Variants in GFRA3 observed in about 807,000 individuals in gnomAD.
The protein encoded by GFRA3 is GDNF family receptor alpha-3.
GFRA3 carries 24 observed loss-of-function variants against 40.0 expected under a neutral mutation model. The observed-to-expected ratio is 0.60, with a 90% CI of 0.43 to 0.84. The LOEUF is 0.84. Ranked by LOEUF, GFRA3 falls within the 40% of genes least tolerant of loss-of-function variation. GFRA3 has a pLI of 0.00. For missense variants in GFRA3, 405 were observed against 530.6 expected, an observed-to-expected ratio of 0.76 and a Z score of 2.33; for synonymous variants, 203 against 213.5, an observed-to-expected ratio of 0.95 and a Z score of 0.43.
intron 4 of GFRA3, among the ~76,000 whole-genome samples, chr5:138,255,725 C>T (rs1581506789): frequency 6.6e-6 from 1 of 151,864 alleles, no homozygotes; most frequent in East Asian, 1.9e-4. Flanking sequence ...ATGGCAAAAC[C>T]CCATCTCTAC....
intron 1 of GFRA3, among the ~76,000 whole-genome samples, chr5:138,268,898 C>A (rs1049488799): frequency 2.1e-5 from 3 of 142,630 alleles, no homozygotes; most frequent in Admixed American, 7.6e-5. Flanking sequence ...GCACTCCAGC[C>A]TGGGTGACAG....
chr5:138,254,690 C>T (rs1755601224), intron 4 of GFRA3, among the ~76,000 whole-genome samples: 1 of 152,146 alleles, frequency 6.6e-6, no homozygotes, highest in Non-Finnish European at 1.5e-5. Flanking sequence ...GTTTGGGCTC[C>T]ACGATCCCTA....
At chr5:138,254,566 C>T (rs10035320) in intron 4 of GFRA3, among the ~76,000 whole-genome samples, 56 of 152,224 alleles carry the variant, frequency 3.7e-4, no homozygotes, top group African/African-American at 1.2e-3. Context: ...TGCCCATTGT[C>T]GTGCCAAATC....
chr5:138,266,243 C>A (rs1488549746), intron 1 of GFRA3, among the ~76,000 whole-genome samples: 1 of 151,900 alleles, frequency 6.6e-6, no homozygotes, highest in Non-Finnish European at 1.5e-5. Flanking sequence ...TTTGAGGAAC[C>A]GCCAAATTGT....
intron 1 of GFRA3, 50 bp from the exon 2 acceptor site, chr5:138,264,598 T>G: frequency 7.9e-7 from 1 of 1,261,044 alleles, no homozygotes; most frequent in East Asian, 2.3e-5. Context: ...AATAGCTGTC[T>G]GGGAATACCA....
chr5:138,271,909 T>TGTGTGTGTGTGTGTGTG (rs61550132), intron 1 of GFRA3, among the ~76,000 whole-genome samples: 26 of 99,672 alleles, frequency 2.6e-4, no homozygotes, highest in South Asian at 8.7e-4. Flanking sequence ...TTTTTTTTTT[T>TGTGTGTGTGTGTGTGTG]TTTTTGTGTG....
chr5:138,252,947 G>T lies in GFRA3; in HGVS notation c.*21C>A, dbSNP rs1755569952. On this transcript the variant is annotated 3_prime_UTR_variant, in exon 8 of 8. Transcript: ENST00000274721. ...TCCACCTGGGTGTGGTGGAGGGGAA[G>T]AGGGCCCTGGGGAAGTCCAGCTACC... is the stretch of plus-strand genomic sequence containing the variant. The T allele has an allele frequency of 2.1e-6, 3 of 1,399,468 alleles. No homozygotes were observed. Among genetic ancestry groups the T allele is most frequent in the Admixed American group, 1.7e-5 (1 of 59,450 alleles). The allele number at this position is 1,399,468 out of a possible 1,614,324, so 86.7% of individuals were successfully genotyped here. A position where few individuals can be genotyped will look rare whatever the true frequency, so the allele number is the denominator to read the frequency against.
chr5:138,256,540 C>CA (rs71585110), intron 4 of GFRA3, among the ~76,000 whole-genome samples: 42,059 of 130,070 alleles, frequency 0.32, 6,919 homozygotes, highest in South Asian at 0.43. Flanking sequence ...AAAAAACAAA[C>CA]AAAAAAAAAC....
rs1267800359 is a variant in GFRA3 at position 138,259,597 on chromosome 5, G to A, written c.432C>T (p.Pro144=). 1.3e-6 allele frequency: 2 copies of A among 1,573,638 alleles called. No individual in the cohort carries two copies. Among genetic ancestry groups the A allele is most frequent in the Admixed American group, 1.7e-5 (1 of 59,944 alleles). Reference sequence around the variant, plus strand: ...TCAGTTTGCTGAGATTCATTTTCCAGGGTTTGCTGGTCACTGTGTCTTCAT... The same window carrying A: ...TCAGTTTGCTGAGATTCATTTTCCAAGGTTTGCTGGTCACTGTGTCTTCAT... ...SPYEDTVTSK[P]WKMNLSKLNM... The change falls in exon 3 of 8, where the codon CCC becomes CCT. Residue 144 remains proline (P), a synonymous_variant. Coordinates refer to ENST00000274721, the MANE Select transcript of GFRA3 (RefSeq NM_001496.4).
chr5:138,253,293 TG>T lies in GFRA3; in HGVS notation c.1106del (p.Ala369AspfsTer9). The T allele has an allele frequency of 6.3e-7, 1 of 1,588,266 alleles. No individual in the cohort carries two copies. Among genetic ancestry groups the T allele is most frequent in the Non-Finnish European group, 8.6e-7 (1 of 1,163,902 alleles). On this transcript the variant is annotated frameshift_variant, in exon 7 of 8. Transcript: ENST00000274721. LOFTEE classifies it high-confidence loss of function. Reference protein sequence around the residue: ...DWPHPTFAVMAHQNENPAVRP... With the variant: ...DWPHPTFAVMXHQNENPAVRP... ...GTAACAGAGGAGGCCCTACCTGGTG[TG>T]CCATCACAGCAAAGGTAGGGTGTGG...
In GFRA3 at chr5:138,254,813, G is replaced by A. The variant is rs146888190; in HGVS notation, c.786-653C>T. On this transcript the variant is annotated intron_variant, in intron 4 of 7. Coordinates refer to ENST00000274721, the MANE Select transcript of GFRA3 (RefSeq NM_001496.4). ...GAGGATGAAGTAAGAGAATGCATAAGCCAGGCATAGCGGCTCACGCCTGTA... is the reference window on the plus strand; with the variant it reads ...GAGGATGAAGTAAGAGAATGCATAAACCAGGCATAGCGGCTCACGCCTGTA... Among the ~76,000 whole-genome samples, 663 of 152,208 alleles carry A rather than the reference G, an allele frequency of 4.4e-3. 4 individuals carry two copies. The highest frequency in any genetic ancestry group is 6.8e-3 in the Middle Eastern group (2 of 294).
rs1267004037 is a variant in GFRA3, at chr5:138,257,799, C to T, written c.625G>A (p.Glu209Lys). The T allele has an allele frequency of 3.7e-6, 6 of 1,613,102 alleles. No individual in the cohort carries two copies. The highest frequency in any genetic ancestry group is 5.1e-6 in the Non-Finnish European group (6 of 1,179,614). The change falls in exon 4 of 8, where the codon GAG becomes AAG. Residue 209 changes from glutamate (E) to lysine (K), a missense_variant. Coordinates refer to ENST00000274721, the MANE Select transcript of GFRA3 (RefSeq NM_001496.4). ...AGTAGCAGGCCCTGCGCGTGGGGCT[C>T]GGCGGCCTTCTCGAAGAAAGTGAGC... ...QLLTFFEKAA[E>K]PHAQGLLLCP...
In GFRA3 at chr5:138,272,472, G is replaced by A. The variant is rs1375597002; in HGVS notation, c.91+1862C>T. On this transcript the variant is annotated intron_variant, in intron 1 of 7. Coordinates refer to ENST00000274721, the MANE Select transcript of GFRA3 (RefSeq NM_001496.4). ...TGGGCATCCGAGATGGCAAAAACCC[G>A]TCTCTACAAAAAATACAAAAATTAA... Among the ~76,000 whole-genome samples the A allele has an allele frequency of 4.7e-5, 7 of 148,444 alleles. No individual in the cohort carries two copies. The East Asian group carries it at 6.0e-4, about 13-fold the overall frequency.
At chr5:138,253,235 T>C in intron 7 of GFRA3, 52 bp downstream of exon 7, 1 of 1,269,654 alleles carries the variant, frequency 7.9e-7, no homozygotes, top group Non-Finnish European at 1.1e-6. Context: ...AGTTTGGGTT[T>C]TCCCCAGCCG....
chr5:138,274,348 A>G lies in GFRA3; in HGVS notation c.77T>C (p.Leu26Pro). The change falls in exon 1 of 8, where the codon CTG becomes CCG. Residue 26 changes from leucine to proline, a missense_variant. Physicochemically the swap from Leu to Pro is moderately conservative, Grantham distance 98. Coordinates refer to ENST00000274721, the MANE Select transcript of GFRA3 (RefSeq NM_001496.4). ...CTGACACTCACCGGCTGCGAGAGGC[A>G]GCGGCGACGGCGGCAGCAGCAGCAG... ...MLLLLLPPSP[L>P]PLAAGDPLPT... 7.4e-7 allele frequency: 1 copy of G among 1,343,126 alleles called. No individual in the cohort carries two copies. The allele number at this position is 1,343,126 out of a possible 1,614,324, so 83.2% of individuals were successfully genotyped here.
chr5:138,261,876 T>A (rs1296634810), intron 2 of GFRA3, among the ~76,000 whole-genome samples: 2 of 151,970 alleles, frequency 1.3e-5, no homozygotes, highest in South Asian at 4.2e-4. Context: ...TATCTCTCAG[T>A]CGATTAAGAT....
At position 138,257,712 on chromosome 5, in the gene GFRA3, TGGGG is replaced by T; in HGVS notation, c.708_711del (p.Pro237ThrfsTer41). ...GGGGCCACAGGCGGCAGCGCGCAGT[TGGGG>T]GCGATGGTGTTGCGCCGGCGCTCCC... On this transcript the variant is annotated frameshift_variant, in exon 4 of 8. Coordinates refer to ENST00000274721, the MANE Select transcript of GFRA3 (RefSeq NM_001496.4). LOFTEE classifies it high-confidence loss of function. The T allele has an allele frequency of 1.2e-6, 2 of 1,610,478 alleles. No homozygotes were observed. The highest frequency in any genetic ancestry group is 1.7e-6 in the Non-Finnish European group (2 of 1,178,858).
At chr5:138,259,861 G>A (rs1755685783) in intron 2 of GFRA3, among the ~76,000 whole-genome samples, 1 of 152,108 alleles carries the variant, frequency 6.6e-6, no homozygotes, top group African/African-American at 2.4e-5. Context: ...AATAATAAGA[G>A]CTACCATTTG....
At position 138,264,514 on chromosome 5, in the gene GFRA3, G is replaced by A; in HGVS notation, c.126C>T (p.Asn42=). 6.2e-7 allele frequency: 1 copy of A among 1,610,790 alleles called. No homozygotes were observed. The highest frequency in any genetic ancestry group is 8.5e-7 in the Non-Finnish European group (1 of 1,178,088). The part of the protein sequence containing the change: ...DPLPTESRLM[N]SCLQARRKCQ... ...ACTTCCTCCTGGCCTGGAGACAGCT[G>A]TTCATGAGTCGGCTTTCTGTGGGAA... The change falls in exon 2 of 8, where the codon AAC becomes AAT. Residue 42 remains asparagine (N), a synonymous_variant. Coordinates refer to ENST00000274721, the MANE Select transcript of GFRA3 (RefSeq NM_001496.4).
Sources: gnomAD v4.1 joint callset for allele counts (sites outside exome capture counted in the v4.1 genomes callset) on GRCh38, gnomAD v4.1.1 for gene constraint, MANE v1.5 for transcripts, NCBI Gene and HGNC (gene_info 2026-07-23, HGNC 2026-07-21) for gene names.